Variants in HEYL observed in about 807,000 individuals in gnomAD.
The protein encoded by HEYL is hes related family bHLH transcription factor with YRPW motif like.
Under a neutral mutation model 18.6 loss-of-function variants are expected in HEYL, and 12 were observed. The observed-to-expected ratio is 0.65, with a 90% CI of 0.41 to 1.05. The LOEUF is 1.05. Among genes scored for constraint, HEYL ranks in the 50% least tolerant of loss-of-function variants. The pLI, the probability that HEYL is intolerant of heterozygous loss-of-function variation, is 0.00. For missense variants in HEYL, 420 were observed against 444.7 expected (o/e 0.94, Z 0.50); for synonymous variants, 159 against 179.6 (o/e 0.89, Z 0.91).
chr1:39,632,796 C>T, intron 1 of HEYL, 81 bp from the exon 2 acceptor site: 1 of 1,586,072 alleles, frequency 6.3e-7, no homozygotes, highest in Non-Finnish European at 8.6e-7. Context: ...CCAGGAGGAG[C>T]CACAGGCTGG....
chr1:39,631,547 G>A lies in HEYL; in HGVS notation c.180C>T (p.Asn60=). ...AGCGTCGCAATTCAGAAAGGCTACT[G>A]TTGATGCGGTCTCGACGCCGTTTCT... is the stretch of plus-strand genomic sequence containing the variant. ...IIEKRRRDRI[N]SSLSELRRLV... The change falls in exon 3 of 5, where the codon AAC becomes AAT. Residue 60 remains asparagine, a synonymous_variant. Transcript: ENST00000372852. 1 of 1,614,214 alleles carries A rather than the reference G, an allele frequency of 6.2e-7. No individual in the cohort carries two copies. Among genetic ancestry groups the A allele is most frequent in the Non-Finnish European group, 8.5e-7 (1 of 1,180,026 alleles).
At position 39,623,576 on chromosome 1, in the gene HEYL, CAAGTA is replaced by C. The variant is rs1646279033; in HGVS notation, c.*2926_*2930del. 6.6e-6 allele frequency among the ~76,000 whole-genome samples: 1 copy of C among 152,230 alleles called. No individual in the cohort carries two copies. Among genetic ancestry groups the C allele is most frequent in the South Asian group, 2.1e-4 (1 of 4,836 alleles). On this transcript the variant is annotated 3_prime_UTR_variant, in exon 5 of 5. Coordinates refer to ENST00000372852, the MANE Select transcript of HEYL (RefSeq NM_014571.4). ...TCGAGTGGGAGGCACAGTCAACCAACAAGTAAATTACACAAATGGATATGCAGTGG... is the reference window on the plus strand; with the variant it reads ...TCGAGTGGGAGGCACAGTCAACCAACAATTACACAAATGGATATGCAGTGG...
intron 3 of HEYL, 67 bp downstream of exon 3, chr1:39,631,429 A>G: frequency 7.3e-7 from 1 of 1,364,228 alleles, no homozygotes; most frequent in Non-Finnish European, 1.0e-6. Context: ...AAGAGATGCC[A>G]TGAGAAACGA....
chr1:39,636,193 A>T (rs1282746829), intron 1 of HEYL, among the ~76,000 whole-genome samples: 2 of 152,034 alleles, frequency 1.3e-5, no homozygotes, highest in Non-Finnish European at 2.9e-5. Flanking sequence ...AGGGGAAGGG[A>T]TCTTCCCCAG....
intron 1 of HEYL, 62 bp downstream of exon 1, chr1:39,639,484 G>A (rs1475299025): frequency 2.1e-6 from 3 of 1,417,966 alleles, no homozygotes; most frequent in African/African-American, 3.0e-5. Context: ...CGGCGAGCCC[G>A]TCGGGCCGAC....
At chr1:39,630,137 G>A (rs150453156) in intron 4 of HEYL, 90 bp downstream of exon 4, 14 of 1,041,234 alleles carry the variant, frequency 1.3e-5, no homozygotes, top group Non-Finnish European at 1.4e-5. Context: ...AGTGGGCAGC[G>A]TGTGGACTTT....
At chr1:39,635,171 G>A (rs939573031) in intron 1 of HEYL, among the ~76,000 whole-genome samples, 1 of 152,228 alleles carries the variant, frequency 6.6e-6, no homozygotes, top group African/African-American at 2.4e-5. Flanking sequence ...ATCTGGACAA[G>A]CCGACCTGGT....
intron 4 of HEYL, among the ~76,000 whole-genome samples, 164 bp downstream of exon 4, chr1:39,630,063 G>C (rs745866134): frequency 3.9e-5 from 6 of 152,224 alleles, no homozygotes; most frequent in South Asian, 2.1e-4. Flanking sequence ...AAAGTGGAGA[G>C]GGAGATGCTG....
In HEYL at chr1:39,626,909, G is replaced by A. The variant is rs146516387; in HGVS notation, c.585C>T (p.Ile195=). 5 of 1,610,634 alleles carry A rather than the reference G, an allele frequency of 3.1e-6. No homozygotes were observed. In the East Asian group the frequency reaches 1.1e-4, roughly 36 times the overall value. The change falls in exon 5 of 5, where the codon ATC becomes ATT. Residue 195 remains isoleucine, a synonymous_variant. Coordinates refer to ENST00000372852, the MANE Select transcript of HEYL (RefSeq NM_014571.4). ...GGACAGGGCTGGGCACTCTTCCCAG[G>A]ATGGCGAGCTGGTTGCTCAGGGCTG... The part of the protein sequence containing the change: ...GLPALSNQLA[I]LGRVPSPVLP...
rs1444648503 is a variant in HEYL at position 39,626,396 on chromosome 1, C to A, written c.*111G>T. On this transcript the variant is annotated 3_prime_UTR_variant, in exon 5 of 5. Transcript: ENST00000372852. ...GGCCTCTGATGGCTGGAGAACGTGC[C>A]TTCACATATGAGCCAGTCCATGAAG... 2.1e-5 allele frequency: 21 copies of A among 996,866 alleles called. No individual in the cohort carries two copies. In the Admixed American group the frequency reaches 6.9e-4, roughly 33 times the overall value. The allele number at this position is 996,866 out of a possible 1,614,324, so 61.8% of individuals were successfully genotyped here.
rs569363465 is a variant in HEYL, at chr1:39,635,545, C to T, written c.81-2830G>A. On this transcript the variant is annotated intron_variant, in intron 1 of 4. Coordinates refer to ENST00000372852, the MANE Select transcript of HEYL (RefSeq NM_014571.4). Reference sequence around the variant, plus strand: ...ATTATTTCCCCCCTTCTCCTCTTCCCATATCTCAGAGGCAAACCTCACATT... The same window carrying T: ...ATTATTTCCCCCCTTCTCCTCTTCCTATATCTCAGAGGCAAACCTCACATT... Among the ~76,000 whole-genome samples, 11 of 152,298 alleles carry T rather than the reference C, an allele frequency of 7.2e-5. No homozygotes were observed. In the East Asian group the frequency reaches 2.1e-3, roughly 29 times the overall value.
rs564937424 is a variant in HEYL at position 39,625,446 on chromosome 1, G to C, written c.*1061C>G. ...TGACCTTGAAGGGCCAAGGTGCCTC[G>C]AATCATCCTTTCTCTTGCCCCTCCT... is the stretch of plus-strand genomic sequence containing the variant. On this transcript the variant is annotated 3_prime_UTR_variant, in exon 5 of 5. Transcript: ENST00000372852. 9 of 152,416 alleles carry C rather than the reference G, an allele frequency of 5.9e-5. No individual in the cohort carries two copies. In the East Asian group the frequency reaches 1.7e-3, roughly 29 times the overall value. 9.4% of individuals were successfully genotyped at this position (152,416 alleles called of 1,614,324 possible). A position where few individuals can be genotyped will look rare whatever the true frequency, so the allele number is the denominator to read the frequency against.
At chr1:39,633,654 A>G (rs1452971342) in intron 1 of HEYL, 1 of 152,426 alleles carries the variant, frequency 6.6e-6, no homozygotes, top group Non-Finnish European at 1.5e-5. Flanking sequence ...CTGCACCAAC[A>G]AACAACAAAC....
At position 39,626,695 on chromosome 1, in the gene HEYL, C is replaced by A. The variant is rs1737738; in HGVS notation, c.799G>T (p.Ala267Ser). ...AGGGGAGCGATGTGGCTGCTCCTGG[C>A]AGCCCTGCTGCTGGGGGCGACAGGC... ...PVPVAPSSRA[A>S]RSSHIAPLLQ... The change falls in exon 5 of 5, where the codon GCC (alanine) becomes TCC (serine). Residue 267 changes from alanine (A) to serine (S), a missense_variant. Coordinates refer to ENST00000372852, the MANE Select transcript of HEYL (RefSeq NM_014571.4). 6.6e-7 allele frequency: 1 copy of A among 1,508,228 alleles called. No individual in the cohort carries two copies. The highest frequency in any genetic ancestry group is 8.9e-7 in the Non-Finnish European group (1 of 1,125,696). The allele number at this position is 1,508,228 out of a possible 1,614,324, so 93.4% of individuals were successfully genotyped here.
chr1:39,630,323 G>A lies in HEYL; in HGVS notation c.232-15C>T, dbSNP rs757537180. Reference sequence around the variant, plus strand: ...TTGGAAGAGCCCTGCGGGTACAGAAGACAGAAGGGTGGAGCCTGCAGCTGA... The same window carrying A: ...TTGGAAGAGCCCTGCGGGTACAGAAAACAGAAGGGTGGAGCCTGCAGCTGA... On this transcript the variant is annotated splice_polypyrimidine_tract_variant and intron_variant, in intron 3 of 4. Transcript: ENST00000372852. The A allele has an allele frequency of 3.7e-6, 6 of 1,607,612 alleles. No homozygotes were observed. Among genetic ancestry groups the A allele is most frequent in the South Asian group, 3.3e-5 (3 of 90,962 alleles).
rs1394711049 is a variant in HEYL at position 39,626,936 on chromosome 1, C to A, written c.558G>T (p.Leu186=). 6.2e-7 allele frequency: 1 copy of A among 1,612,872 alleles called. No individual in the cohort carries two copies. The highest frequency in any genetic ancestry group is 2.2e-5 in the East Asian group (1 of 44,846). ...PWSFFHSCPG[L]PALSNQLAIL... ...TGGCGAGCTGGTTGCTCAGGGCTGG[C>A]AGCCCTGGACAGCTATGGAAGAAAG... Residue 186 remains leucine (L), a synonymous_variant, in exon 5 of 5, where the codon CTG becomes CTT. Transcript: ENST00000372852.
intron 4 of HEYL, among the ~76,000 whole-genome samples, chr1:39,628,108 C>G (rs537559788): frequency 6.6e-6 from 1 of 152,298 alleles, no homozygotes; most frequent in Middle Eastern, 3.4e-3. Flanking sequence ...GGTCTCATGA[C>G]GATGGCAGCA....
chr1:39,637,663 C>T (rs770347349), intron 1 of HEYL, among the ~76,000 whole-genome samples: 1 of 152,214 alleles, frequency 6.6e-6, no homozygotes. Context: ...GAGGGGTCTG[C>T]TCCTCTAAGA....
At chr1:39,638,969 G>A (rs1161366744) in intron 1 of HEYL, among the ~76,000 whole-genome samples, 1 of 152,202 alleles carries the variant, frequency 6.6e-6, no homozygotes, top group African/African-American at 2.4e-5. Flanking sequence ...GGCACGATAG[G>A]AGGAACATTG....
Sources: allele counts gnomAD v4.1 joint callset (sites outside exome capture counted in the v4.1 genomes callset), GRCh38; gene constraint gnomAD v4.1.1; transcripts MANE v1.5; gene names NCBI Gene and HGNC (gene_info 2026-07-23, HGNC 2026-07-21).